Variants in CCDC171 observed in about 807,000 individuals in gnomAD.
The protein encoded by CCDC171 is coiled-coil domain containing 171.
In CCDC171, 177 loss-of-function variants were observed where a neutral mutation model predicts 168.2. The ratio of observed to expected loss-of-function variants is 1.05; its 90% confidence interval spans 0.93 to 1.19. The LOEUF is 1.19. CCDC171 is among the 50% of genes most tolerant of loss of function. CCDC171 has a pLI of 0.00. For missense variants in CCDC171, 1,991 were observed against 1,539.0 expected (o/e 1.29, Z -4.91); for synonymous variants, 687 against 540.8 (o/e 1.27, Z -3.75).
chr9:15,555,662 C>T (rs976984889), intron 1 of CCDC171, among the ~76,000 whole-genome samples: 2 of 152,078 alleles, frequency 1.3e-5, no homozygotes, highest in Non-Finnish European at 2.9e-5. Flanking sequence ...TGACTTTAGT[C>T]AAGTGACTGA....
chr9:15,643,477 T>C (rs1385786713), intron 7 of CCDC171, among the ~76,000 whole-genome samples: 1 of 152,170 alleles, frequency 6.6e-6, no homozygotes, highest in Non-Finnish European at 1.5e-5. Context: ...TAGAAATAAC[T>C]TTTTTTCCAC....
At chr9:15,948,832 T>C (rs1250286569) in intron 25 of CCDC171, among the ~76,000 whole-genome samples, 1 of 151,478 alleles carries the variant, frequency 6.6e-6, no homozygotes, top group Non-Finnish European at 1.5e-5. Context: ...TTTAATTAGA[T>C]CCCATTTGTC....
rs16933908 is a variant in CCDC171 at position 16,000,862 on chromosome 9, C to T, written n.369-19727C>T. Among the ~76,000 whole-genome samples, 350 of 152,184 alleles carry T rather than the reference C, an allele frequency of 2.3e-3. 1 individual carries two copies. The highest frequency in any genetic ancestry group is 0.01 in the Middle Eastern group (3 of 294). ...TAGCATAATTTTAGCAATAATGAGA[C>T]GAGAATGCTGTCTTCAACTGGATCT... On this transcript the variant is annotated intron_variant and non_coding_transcript_variant, in intron 3 of 9. Transcript: ENST00000486641.
chr9:15,587,364 C>G (rs796255421), intron 4 of CCDC171, among the ~76,000 whole-genome samples: 5 of 152,236 alleles, frequency 3.3e-5, no homozygotes, highest in African/African-American at 1.2e-4. Flanking sequence ...CTCACGAGAT[C>G]TGATGGTTTT....
chr9:15,792,872 C>G (rs2058339856), intron 21 of CCDC171, among the ~76,000 whole-genome samples: 1 of 152,002 alleles, frequency 6.6e-6, no homozygotes. Context: ...CAAAAACATG[C>G]CAAATTGTAA....
At chr9:16,053,979 G>T (rs1564137229) in intron 1 of CCDC171, among the ~76,000 whole-genome samples, 1 of 152,216 alleles carries the variant, frequency 6.6e-6, no homozygotes. Flanking sequence ...CTTTGTCAAA[G>T]GGAGAGGAGG....
At chr9:15,686,544 A>G (rs928013323) in intron 10 of CCDC171, among the ~76,000 whole-genome samples, 10 of 152,082 alleles carry the variant, frequency 6.6e-5, no homozygotes, top group African/African-American at 2.4e-4. Flanking sequence ...AAAAGATAAT[A>G]TATGTATCAA....
chr9:15,869,439 A>G (rs1411415135), intron 23 of CCDC171, among the ~76,000 whole-genome samples: 3 of 151,540 alleles, frequency 2.0e-5, no homozygotes, highest in Admixed American at 1.3e-4. Flanking sequence ...TCTTTCTTCT[A>G]CATTGTAGAA....
intron 3 of CCDC171, among the ~76,000 whole-genome samples, chr9:16,014,008 G>A (rs994980354): frequency 3.3e-5 from 5 of 152,146 alleles, no homozygotes; most frequent in African/African-American, 9.7e-5. Context: ...AAGACAACGA[G>A]GTTTGCCACA....
At chr9:15,631,082 A>G (rs2045646640) in intron 7 of CCDC171, among the ~76,000 whole-genome samples, 1 of 152,174 alleles carries the variant, frequency 6.6e-6, no homozygotes, top group Admixed American at 6.5e-5. Context: ...AAGATCCAAA[A>G]TTGACACCCT....
Position 15,657,146 on chromosome 9 carries a change from G to C in CCDC171, c.842G>C (p.Arg281Thr). 2 of 1,606,386 alleles carry C rather than the reference G, an allele frequency of 1.2e-6. No homozygotes were observed. The highest frequency in any genetic ancestry group is 1.1e-5 in the South Asian group (1 of 90,498). Residue 281 changes from arginine to threonine, a missense_variant, in exon 8 of 26, where the codon AGG becomes ACG. Physicochemically the swap from Arg to Thr is moderately conservative, Grantham distance 71. Coordinates refer to ENST00000380701, the MANE Select transcript of CCDC171 (RefSeq NM_173550.4). ...KEFEATTLRV[R>T]KLEENIEAER... ...TTTCAGGCAACTACTCTAAGAGTGA[G>C]GAAATTAGAAGAAAACATTGAAGCA...
chr9:16,057,686 C>G (rs1445506425), intron 1 of CCDC171, among the ~76,000 whole-genome samples: 1 of 152,214 alleles, frequency 6.6e-6, no homozygotes, highest in African/African-American at 2.4e-5. Context: ...CGCTTCCCTC[C>G]CTCTGCCACA....
chr9:15,953,878 T>A (rs977933325), intron 25 of CCDC171, among the ~76,000 whole-genome samples: 4 of 152,084 alleles, frequency 2.6e-5, no homozygotes, highest in Admixed American at 6.6e-5. Flanking sequence ...TCCTTTTTTT[T>A]AACTAATTTG....
chr9:16,031,211 C>T (rs1399917262), intron 6 of CCDC171, among the ~76,000 whole-genome samples: 1 of 152,170 alleles, frequency 6.6e-6, no homozygotes, highest in Non-Finnish European at 1.5e-5. Context: ...GTAAAAATAG[C>T]TTCTCCCAAC....
At chr9:16,001,418 A>G (rs1365312630) in intron 3 of CCDC171, among the ~76,000 whole-genome samples, 1 of 148,900 alleles carries the variant, frequency 6.7e-6, no homozygotes, top group East Asian at 2.0e-4. Flanking sequence ...GTGTGTGTGT[A>G]GAGAGAGTTT....
intron 8 of CCDC171, among the ~76,000 whole-genome samples, chr9:15,659,592 C>A (rs1265227750): frequency 1.3e-5 from 2 of 152,212 alleles, no homozygotes; most frequent in South Asian, 2.1e-4. Context: ...CATTTGAGCA[C>A]TACTTTGTGA....
At chr9:16,058,208 C>T (rs1437783192) in intron 1 of CCDC171, among the ~76,000 whole-genome samples, 1 of 152,122 alleles carries the variant, frequency 6.6e-6, no homozygotes, top group Non-Finnish European at 1.5e-5. Flanking sequence ...CACTTCCTCT[C>T]CTCAAATCTC....
chr9:15,863,095 A>G (rs2061627587), intron 23 of CCDC171, among the ~76,000 whole-genome samples: 1 of 152,058 alleles, frequency 6.6e-6, no homozygotes, highest in Admixed American at 6.6e-5. Flanking sequence ...ATGTTGGGTC[A>G]TGTCAGTACT....
intron 24 of CCDC171, among the ~76,000 whole-genome samples, chr9:15,907,496 C>G (rs1358897054): frequency 6.6e-6 from 1 of 152,128 alleles, no homozygotes. Context: ...ACACCTCATA[C>G]AAAAATTAAT....
Sources: allele counts gnomAD v4.1 joint callset (sites outside exome capture counted in the v4.1 genomes callset), GRCh38; gene constraint gnomAD v4.1.1; transcripts MANE v1.5; gene names NCBI Gene and HGNC (gene_info 2026-07-23, HGNC 2026-07-21).